PYGB: variants seen among roughly 807,000 people sequenced by gnomAD.
PYGB encodes glycogen phosphorylase B.
A neutral mutation model predicts 94.3 loss-of-function variants in PYGB; 82 were observed. The observed-to-expected ratio is 0.87, with a 90% CI of 0.73 to 1.04. The LOEUF is 1.04. PYGB is among the 50% of genes least tolerant of loss of function. The probability of loss-of-function intolerance (pLI) is 0.00; values close to 1 mark genes in which losing one functional copy is unlikely to be tolerated. For synonymous variants in PYGB, 488 were observed against 479.1 expected, an observed-to-expected ratio of 1.02 and a Z score of -0.24; for missense variants, 1,132 against 1,158.2, an observed-to-expected ratio of 0.98 and a Z score of 0.33.
chr20:25,274,568 C>T lies in PYGB; in HGVS notation c.529-24C>T, dbSNP rs765081829. On this transcript the variant is annotated intron_variant, in intron 4 of 19. Coordinates refer to ENST00000216962, the MANE Select transcript of PYGB (RefSeq NM_002862.4). The stretch of plus-strand genomic sequence containing the variant: ...GCCTGGGACATCTGCGCTGAGGGTG[C>T]CCTCACAGCTGGCTTCTTTCCAGGT... 6.8e-6 allele frequency: 11 copies of T among 1,608,682 alleles called. No homozygotes were observed. The East Asian group carries it at 2.2e-4, about 33-fold the overall frequency.
rs769828709 is a variant in PYGB, at chr20:25,248,331, C to G, written c.153C>G (p.Asp51Glu). The change falls in exon 1 of 20, where the codon GAC becomes GAG. Residue 51 changes from aspartate (D) to glutamate (E), a missense_variant. Physicochemically the swap from Asp to Glu is conservative, Grantham distance 45 (BLOSUM62 2). Transcript: ENST00000216962. ...VKDRNVATPR[D>E]YFFALAHTVR... ...ACCGCAATGTGGCCACGCCCCGCGACTACTTCTTCGCGCTGGCGCACACGG... is the reference window on the plus strand; with the variant it reads ...ACCGCAATGTGGCCACGCCCCGCGAGTACTTCTTCGCGCTGGCGCACACGG... 1.2e-6 allele frequency: 2 copies of G among 1,603,970 alleles called. No individual in the cohort carries two copies. The highest frequency in any genetic ancestry group is 8.5e-7 in the Non-Finnish European group (1 of 1,175,936).
At chr20:25,253,024 ACTT>A (rs2092892669) in intron 1 of PYGB, among the ~76,000 whole-genome samples, 1 of 152,246 alleles carries the variant, frequency 6.6e-6, no homozygotes, top group South Asian at 2.1e-4. Context: ...AACAAAAGAC[ACTT>A]CTTTCATTTT....
intron 5 of PYGB, among the ~76,000 whole-genome samples, chr20:25,275,325 C>T (rs1413615908): frequency 1.3e-5 from 2 of 152,330 alleles, no homozygotes; most frequent in African/African-American, 2.4e-5. Context: ...GTGCCAGGCA[C>T]GCAGAGGCCA....
At chr20:25,295,734 C>A in intron 19 of PYGB, 64 bp downstream of exon 19, 1 of 1,496,114 alleles carries the variant, frequency 6.7e-7, no homozygotes, top group Non-Finnish European at 9.3e-7. Flanking sequence ...CGTGTTGGGT[C>A]AGATTGTTTA....
At chr20:25,263,825 G>A (rs1272944085) in intron 2 of PYGB, among the ~76,000 whole-genome samples, 2 of 152,208 alleles carry the variant, frequency 1.3e-5, no homozygotes, top group African/African-American at 4.8e-5. Flanking sequence ...GGACCAGAGG[G>A]ATTCACAGCT....
chr20:25,280,450 T>C (rs774876806), intron 10 of PYGB, 38 bp downstream of exon 10: 5 of 1,606,208 alleles, frequency 3.1e-6, no homozygotes, highest in South Asian at 1.1e-5. Flanking sequence ...GGGTGGCGGC[T>C]ACACCCATGC....
intron 2 of PYGB, among the ~76,000 whole-genome samples, chr20:25,262,542 A>G (rs1278284919): frequency 1.3e-5 from 2 of 152,252 alleles, no homozygotes; most frequent in Non-Finnish European, 2.9e-5. Flanking sequence ...TGTAAAGACC[A>G]TCAAAGCTAG....
At chr20:25,277,128 T>C in intron 6 of PYGB, 116 bp from the exon 7 acceptor site, 1 of 767,814 alleles carries the variant, frequency 1.3e-6, no homozygotes, top group Non-Finnish European at 2.3e-6. Context: ...ATGCAGCGGC[T>C]GGGGGAGTCC....
Position 25,257,338 on chromosome 20 carries a change from G to A in PYGB, c.244-1899G>A, listed in dbSNP as rs576922729. On this transcript the variant is annotated intron_variant, in intron 1 of 19. Transcript: ENST00000216962. ...TTCAGCAGGAGGCTGCAGAACCCTC[G>A]ATGTCTGCATGCAACCTGGACAATT... Among the ~76,000 whole-genome samples the A allele has an allele frequency of 1.2e-4, 18 of 152,346 alleles. No individual in the cohort carries two copies. The East Asian group carries it at 2.1e-3, about 18-fold the overall frequency.
intron 16 of PYGB, among the ~76,000 whole-genome samples, chr20:25,291,959 C>T (rs2088471415): frequency 1.3e-5 from 2 of 152,118 alleles, no homozygotes; most frequent in Admixed American, 1.3e-4. Context: ...CCCAGGAGGT[C>T]GCCACCCCTC....
intron 19 of PYGB, 29 bp downstream of exon 19, chr20:25,295,699 G>A: frequency 1.9e-6 from 3 of 1,586,938 alleles, no homozygotes; most frequent in Middle Eastern, 1.7e-4. Flanking sequence ...GAGGCTAGGG[G>A]AGCAGCTGGG....
intron 11 of PYGB, among the ~76,000 whole-genome samples, chr20:25,281,390 T>A (rs1013523017): frequency 1.3e-5 from 2 of 152,234 alleles, no homozygotes; most frequent in Admixed American, 1.3e-4. Context: ...CGCCCCTGCC[T>A]TCCTGGGGGT....
At chr20:25,258,400 A>G (rs968134182) in intron 1 of PYGB, among the ~76,000 whole-genome samples, 1 of 152,234 alleles carries the variant, frequency 6.6e-6, no homozygotes, top group African/African-American at 2.4e-5. Context: ...GGAGTGAAGA[A>G]TATCAGAAAG....
chr20:25,271,130 C>G (rs920267322), intron 3 of PYGB, among the ~76,000 whole-genome samples: 1 of 152,132 alleles, frequency 6.6e-6, no homozygotes, highest in Admixed American at 6.5e-5. Context: ...AGGTTCCAGG[C>G]CTGGCCGAGT....
chr20:25,284,289 G>A (rs1329519084), intron 14 of PYGB, 38 bp downstream of exon 14: 1 of 1,595,248 alleles, frequency 6.3e-7, no homozygotes, highest in Non-Finnish European at 8.5e-7. Flanking sequence ...GCGCTGTGGG[G>A]CCCAAGGCTT....
chr20:25,278,252 G>A, intron 7 of PYGB, 67 bp from the exon 8 acceptor site: 1 of 501,142 alleles, frequency 2.0e-6, no homozygotes, highest in Non-Finnish European at 2.7e-6. Flanking sequence ...CCAGGTCGCT[G>A]ACCTGGGCTT....
chr20:25,273,318 A>G (rs1206980328), intron 4 of PYGB, among the ~76,000 whole-genome samples: 6 of 152,110 alleles, frequency 3.9e-5, no homozygotes, highest in Non-Finnish European at 7.4e-5. Context: ...ACGCCACCAG[A>G]AGGGTCTTGC....
intron 2 of PYGB, among the ~76,000 whole-genome samples, chr20:25,265,356 C>A (rs999374196): frequency 9.2e-5 from 14 of 152,142 alleles, no homozygotes; most frequent in Admixed American, 3.3e-4. Flanking sequence ...CAAAAGGACA[C>A]AAGAGTTCCA....
intron 15 of PYGB, 154 bp downstream of exon 15, chr20:25,288,637 A>T: frequency 1.2e-6 from 1 of 831,394 alleles, no homozygotes; most frequent in Non-Finnish European, 1.9e-6. Context: ...GGGGGTGGGG[A>T]CCCTGTAGAG....
Sources: gnomAD v4.1 joint callset for allele counts (sites outside exome capture counted in the v4.1 genomes callset) on GRCh38, gnomAD v4.1.1 for gene constraint, MANE v1.5 for transcripts, NCBI Gene and HGNC (gene_info 2026-07-23, HGNC 2026-07-21) for gene names.